Variants in KDM4C observed in about 807,000 individuals in gnomAD.
The protein encoded by KDM4C is lysine-specific demethylase 4C.
A neutral mutation model predicts 129.3 loss-of-function variants in KDM4C; 81 were observed. That is an observed-to-expected ratio of 0.63 (90% CI 0.52 to 0.75). The LOEUF (loss-of-function observed/expected upper bound fraction) is 0.75. Among genes scored for constraint, KDM4C ranks in the 30% least tolerant of loss-of-function variants. The probability of loss-of-function intolerance (pLI) is 0.00; values close to 1 mark genes in which losing one functional copy is unlikely to be tolerated. For synonymous variants in KDM4C, 573 were observed against 456.1 expected, an observed-to-expected ratio of 1.26 and a Z score of -3.26; for missense variants, 1,457 against 1,304.0, an observed-to-expected ratio of 1.12 and a Z score of -1.81.
intron 17 of KDM4C, among the ~76,000 whole-genome samples, chr9:7,080,518 T>A (rs557216775): frequency 1.5e-4 from 23 of 152,336 alleles, no homozygotes; most frequent in African/African-American, 5.5e-4. Flanking sequence ...GATATGGGAA[T>A]GTGTATTAAT....
intron 8 of KDM4C, among the ~76,000 whole-genome samples, chr9:6,963,870 T>C (rs894277047): frequency 7.2e-5 from 11 of 152,212 alleles, no homozygotes; most frequent in African/African-American, 2.4e-4. Flanking sequence ...TTTTTAATCC[T>C]TCTGTTTCTT....
chr9:6,812,545 A>G (rs980358201), intron 3 of KDM4C, among the ~76,000 whole-genome samples: 2 of 152,124 alleles, frequency 1.3e-5, no homozygotes, highest in Admixed American at 6.6e-5. Context: ...GGAGTGTGCA[A>G]CCTAGACCCC....
chr9:7,104,726 C>T (rs929418124), intron 18 of KDM4C, among the ~76,000 whole-genome samples: 2 of 152,324 alleles, frequency 1.3e-5, no homozygotes, highest in Middle Eastern at 3.4e-3. Context: ...TGCTAACTTG[C>T]CGCACTTTGT....
chr9:6,861,426 C>G (rs1840902063), intron 5 of KDM4C, among the ~76,000 whole-genome samples: 2 of 152,146 alleles, frequency 1.3e-5, no homozygotes, highest in Non-Finnish European at 2.9e-5. Flanking sequence ...CAAAGTCAGC[C>G]TATAGAATAG....
At position 7,002,806 on chromosome 9, in the gene KDM4C, A is replaced by G. The variant is rs1820971149; in HGVS notation, c.1787-8892A>G. ...TTCACTTGTCCTAGATCACAAAGCT[A>G]GTAAGTGGTAGATAACAGGCTTTAA... On this transcript the variant is annotated intron_variant, in intron 12 of 21. Transcript: ENST00000381309. Among the ~76,000 whole-genome samples, 4 of 152,226 alleles carry G rather than the reference A, an allele frequency of 2.6e-5. No homozygotes were observed. In the South Asian group the frequency reaches 8.3e-4, roughly 31 times the overall value.
Position 6,788,878 on chromosome 9 carries a change from G to A in KDM4C, c.-17-4094G>A, listed in dbSNP as rs73639361. 6.3e-3 allele frequency among the ~76,000 whole-genome samples: 953 copies of A among 152,288 alleles called. 8 individuals are homozygous for A. The highest frequency in any genetic ancestry group is 0.022 in the African/African-American group (908 of 41,550). On this transcript the variant is annotated intron_variant, in intron 1 of 21. Coordinates refer to ENST00000381309, the MANE Select transcript of KDM4C (RefSeq NM_015061.6). ...GTGCAGGAGTTTGTCAGGTGAGGAA[G>A]CAGGCAGAGGCTGCTGTGAGGGGAA...
Position 6,778,354 on chromosome 9 carries a change from T to C in KDM4C, c.-17-14618T>C, listed in dbSNP as rs190948169. On this transcript the variant is annotated intron_variant, in intron 1 of 21. Coordinates refer to ENST00000381309, the MANE Select transcript of KDM4C (RefSeq NM_015061.6). Reference sequence around the variant, plus strand: ...ATCCTCCCGCTTGGGCCTCCCAAAGTCCTGGGATTATGGGCATGAGCCACC... The same window carrying C: ...ATCCTCCCGCTTGGGCCTCCCAAAGCCCTGGGATTATGGGCATGAGCCACC... Among the ~76,000 whole-genome samples, 4 of 151,588 alleles carry C rather than the reference T, an allele frequency of 2.6e-5. No individual in the cohort carries two copies. In the East Asian group the frequency reaches 7.9e-4, roughly 30 times the overall value.
At chr9:6,821,532 C>T (rs1311004391) in intron 4 of KDM4C, among the ~76,000 whole-genome samples, 1 of 151,996 alleles carries the variant, frequency 6.6e-6, no homozygotes, top group Non-Finnish European at 1.5e-5. Context: ...TTGAGAAGCG[C>T]CTGTTCATAT....
intron 6 of KDM4C, among the ~76,000 whole-genome samples, chr9:6,882,680 T>C (rs932298083): frequency 2.6e-5 from 4 of 152,140 alleles, no homozygotes; most frequent in African/African-American, 9.7e-5. Context: ...CAAATGTTGG[T>C]TTTGTTACCT....
chr9:7,139,362 T>G (rs765669370), intron 19 of KDM4C, among the ~76,000 whole-genome samples: 3 of 152,228 alleles, frequency 2.0e-5, no homozygotes, highest in Non-Finnish European at 2.9e-5. Flanking sequence ...ACAGATAATA[T>G]TGAATCATCT....
chr9:6,820,627 A>G (rs2131211066), intron 4 of KDM4C, among the ~76,000 whole-genome samples: 1 of 151,982 alleles, frequency 6.6e-6, no homozygotes, highest in South Asian at 2.1e-4. Flanking sequence ...GTGTTTTTAA[A>G]GGACTAGATC....
intron 8 of KDM4C, among the ~76,000 whole-genome samples, chr9:6,936,734 A>G (rs761991429): frequency 2.0e-3 from 308 of 152,342 alleles, no homozygotes; most frequent in Non-Finnish European, 3.3e-3. Flanking sequence ...GGTTAAGAGC[A>G]CAGGCTTTTG....
intron 1 of KDM4C, among the ~76,000 whole-genome samples, chr9:6,730,849 T>C (rs1273389555): frequency 4.6e-5 from 7 of 152,140 alleles, no homozygotes; most frequent in Non-Finnish European, 8.8e-5. Context: ...CACTCCGCAG[T>C]GTATGAGTGG....
chr9:7,015,063 A>G (rs59494877), intron 14 of KDM4C, among the ~76,000 whole-genome samples: 10,361 of 152,136 alleles, frequency 0.068, 450 homozygotes, highest in African/African-American at 0.12. Flanking sequence ...ACTATTTTAT[A>G]CACATATGCT....
intron 17 of KDM4C, 71 bp downstream of exon 17, chr9:7,049,271 G>T: frequency 1.3e-6 from 1 of 745,186 alleles, no homozygotes; most frequent in Admixed American, 2.5e-5. Flanking sequence ...TTCCATTAAT[G>T]CACACATTCC....
Position 6,986,576 on chromosome 9 carries a change from G to T in KDM4C, c.1587G>T (p.Glu529Asp), listed in dbSNP as rs1371651031. Reference protein sequence around the residue: ...ESNGVLTEGEESDVESHGNGL... With the variant: ...ESNGVLTEGEDSDVESHGNGL... The stretch of plus-strand genomic sequence containing the variant: ...ATGGTGTGTTAACAGAGGGAGAAGA[G>T]AGTGATGTGGAGAGCCATGGGAATG... Residue 529 changes from glutamate to aspartate, a missense_variant, in exon 11 of 22, where the codon GAG (glutamate) becomes GAT (aspartate). Physicochemically the swap from Glu to Asp is conservative, Grantham distance 45. Transcript: ENST00000381309. The T allele has an allele frequency of 6.2e-7, 1 of 1,614,156 alleles. No individual in the cohort carries two copies. The highest frequency in any genetic ancestry group is 8.5e-7 in the Non-Finnish European group (1 of 1,180,014).
intron 4 of KDM4C, among the ~76,000 whole-genome samples, chr9:6,815,866 T>C (rs566041910): frequency 2.5e-4 from 38 of 152,356 alleles, no homozygotes; most frequent in African/African-American, 9.1e-4. Context: ...TTGCTTAATG[T>C]TTCTTTGTGT....
chr9:7,097,856 A>G (rs1237025259), intron 17 of KDM4C, among the ~76,000 whole-genome samples: 1 of 152,234 alleles, frequency 6.6e-6, no homozygotes, highest in Non-Finnish European at 1.5e-5. Flanking sequence ...TCTTACATAG[A>G]AGATATTTAG....
intron 1 of KDM4C, among the ~76,000 whole-genome samples, chr9:6,737,867 T>C (rs1046568488): frequency 2.0e-5 from 3 of 151,992 alleles, no homozygotes; most frequent in African/African-American, 7.2e-5. Flanking sequence ...CTGGGCAAGG[T>C]GGCTCACACT....
Sources: allele counts gnomAD v4.1 joint callset (sites outside exome capture counted in the v4.1 genomes callset), GRCh38; gene constraint gnomAD v4.1.1; transcripts MANE v1.5; gene names NCBI Gene and HGNC (gene_info 2026-07-23, HGNC 2026-07-21).